Variants in KRT37 observed in about 807,000 individuals in gnomAD.
The protein encoded by KRT37 is keratin 37.
KRT37 carries 38 observed loss-of-function variants against 41.9 expected under a neutral mutation model. The observed-to-expected ratio is 0.91, with a 90% confidence interval of 0.70 to 1.19. The LOEUF is 1.19. KRT37 is among the 50% of genes most tolerant of loss of function. The pLI is 0.00. For synonymous variants in KRT37, 252 were observed against 243.4 expected (o/e 1.04, Z -0.33); for missense variants, 580 against 575.5 (o/e 1.01, Z -0.08).
At chr17:41,422,547 C>A in intron 3 of KRT37, 113 bp from the exon 4 acceptor site, 3 of 1,432,982 alleles carry the variant, frequency 2.1e-6, no homozygotes, top group Non-Finnish European at 2.9e-6. Context: ...CACACATAAG[C>A]AAATGGGAAA....
chr17:41,421,696 A>G (rs749546595), intron 5 of KRT37, 109 bp from the exon 6 acceptor site: 9 of 1,019,588 alleles, frequency 8.8e-6, no homozygotes, highest in African/African-American at 1.6e-5. Flanking sequence ...GTCATAGGAC[A>G]TTCTCAGAGC....
rs1175765157 is a variant in KRT37 at position 41,420,972 on chromosome 17, G to A, written c.1256C>T (p.Pro419Leu). The change falls in exon 7 of 7, where the codon CCC (proline) becomes CTC (leucine). Residue 419 changes from proline (P) to leucine (L), a missense_variant. Pro to Leu is a moderately conservative substitution (Grantham distance 98). Transcript: ENST00000225550. ...ESEDCKLPCNPCSTPASCTSC... is the reference protein window; with the variant it reads ...ESEDCKLPCNLCSTPASCTSC... ...AGTACAGGAGGCAGGCGTGGAACAG[G>A]GATTGCAGGGGAGTCTGCAGGGAGA... is the stretch of plus-strand genomic sequence containing the variant. 1.9e-6 allele frequency: 3 copies of A among 1,612,954 alleles called. No homozygotes were observed. The South Asian group carries it at 3.3e-5, about 18-fold the overall frequency.
chr17:41,420,723 G>T lies in KRT37; in HGVS notation c.*155C>A. The T allele has an allele frequency of 1.9e-6, 1 of 534,632 alleles. No homozygotes were observed. Among genetic ancestry groups the T allele is most frequent in the Non-Finnish European group, 3.3e-6 (1 of 298,916 alleles). The allele number at this position is 534,632 out of a possible 1,614,324, so 33.1% of individuals were successfully genotyped here. A position where few individuals can be genotyped will look rare whatever the true frequency, so the allele number is the denominator to read the frequency against. ...CAACAACAAAAAATACAGCTTAGAG[G>T]CATAGGCAGGGAGCCACTCCTTGGA... is the stretch of plus-strand genomic sequence containing the variant. On this transcript the variant is annotated 3_prime_UTR_variant, in exon 7 of 7. Transcript: ENST00000225550.
chr17:41,423,979 C>T (rs146411313), intron 1 of KRT37, 53 bp downstream of exon 1: 31 of 1,601,626 alleles, frequency 1.9e-5, no homozygotes, highest in South Asian at 1.2e-4. Flanking sequence ...ATTCCTCCTG[C>T]GAAGGCTTCT....
intron 1 of KRT37, 91 bp from the exon 2 acceptor site, chr17:41,423,935 A>G (rs1222624177): frequency 6.2e-7 from 1 of 1,604,698 alleles, no homozygotes; most frequent in Non-Finnish European, 8.5e-7. Flanking sequence ...TCCAAGAGAA[A>G]CCAAGAACCC....
In KRT37 at chr17:41,421,488, A is replaced by C; in HGVS notation, c.1120T>G (p.Ser374Ala). ...CGCTCCAGGTCGGCCCGGATCTCAG[A>C]CAACTGCTCTTCCAAGTTGCTAATG... The part of the protein sequence containing the change: ...SLISNLEEQL[S>A]EIRADLERQN... Residue 374 changes from serine to alanine, a missense_variant, in exon 6 of 7, where the codon TCT becomes GCT. Coordinates refer to ENST00000225550, the MANE Select transcript of KRT37 (RefSeq NM_003770.5). The C allele has an allele frequency of 1.9e-6, 3 of 1,614,160 alleles. No individual in the cohort carries two copies. Among genetic ancestry groups the C allele is most frequent in the Non-Finnish European group, 2.5e-6 (3 of 1,180,018 alleles).
chr17:41,424,376 C>A lies in KRT37; in HGVS notation c.148G>T (p.Ala50Ser). The change falls in exon 1 of 7, where the codon GCA (alanine) becomes TCA (serine). Residue 50 changes from alanine to serine, a missense_variant. Coordinates refer to ENST00000225550, the MANE Select transcript of KRT37 (RefSeq NM_003770.5). ...CCCACACGGACTCTGTTGGCGTGTGCCACGTTGGCCAAGAGGCACATGGAG... is the reference window on the plus strand; with the variant it reads ...CCCACACGGACTCTGTTGGCGTGTGACACGTTGGCCAAGAGGCACATGGAG... ...AASMCLLANV[A>S]HANRVRVGST... 6.2e-7 allele frequency: 1 copy of A among 1,613,810 alleles called. No homozygotes were observed. Among genetic ancestry groups the A allele is most frequent in the African/African-American group, 1.3e-5 (1 of 75,048 alleles).
intron 6 of KRT37, 99 bp from the exon 7 acceptor site, chr17:41,421,085 C>A: frequency 1.1e-6 from 1 of 900,300 alleles, no homozygotes; most frequent in Non-Finnish European, 1.8e-6. Context: ...ACCAACAAGG[C>A]ACACAGACCA....
At chr17:41,421,314 G>A in intron 6 of KRT37, 53 bp downstream of exon 6, 3 of 1,574,812 alleles carry the variant, frequency 1.9e-6, no homozygotes, top group Non-Finnish European at 2.6e-6. Flanking sequence ...TACCTCTGAG[G>A]AATTGCCTGA....
chr17:41,421,643 A>C, intron 5 of KRT37, 56 bp from the exon 6 acceptor site: 1 of 1,548,088 alleles, frequency 6.5e-7, no homozygotes, highest in Non-Finnish European at 8.9e-7. Context: ...TCAGCAGTGA[A>C]AATCATGACC....
intron 4 of KRT37, 25 bp downstream of exon 4, chr17:41,422,247 TC>T (rs755447231): frequency 6.2e-7 from 1 of 1,613,702 alleles, no homozygotes; most frequent in South Asian, 1.1e-5. Context: ...GGCCAGGTAC[TC>T]CCTGGCTCTG....
At chr17:41,422,244 T>C in intron 4 of KRT37, 29 bp downstream of exon 4, 1 of 1,613,834 alleles carries the variant, frequency 6.2e-7, no homozygotes, top group Non-Finnish European at 8.5e-7. Flanking sequence ...GGAGGCCAGG[T>C]ACTCCCTGGC....
chr17:41,421,404 C>A lies in KRT37; in HGVS notation c.1204G>T (p.Ala402Ser), dbSNP rs1405885842. Reference sequence around the variant, plus strand: ...CTCTCCAGAAGGTTCCGGTATGTGGCAATCTCGTTCTCCAACCGGGCCTTC... The same window carrying A: ...CTCTCCAGAAGGTTCCGGTATGTGGAAATCTCGTTCTCCAACCGGGCCTTC... ...DVKARLENEI[A>S]TYRNLLESED... Residue 402 changes from alanine to serine, a missense_variant, in exon 6 of 7, where the codon GCC (alanine) becomes TCC (serine). Transcript: ENST00000225550. 7 of 1,614,206 alleles carry A rather than the reference C, an allele frequency of 4.3e-6. No individual in the cohort carries two copies. Among genetic ancestry groups the A allele is most frequent in the East Asian group, 4.5e-5 (2 of 44,884 alleles).
In KRT37 at chr17:41,423,823, T is replaced by C. The variant is rs768972894; in HGVS notation, c.514A>G (p.Asn172Asp). The change falls in exon 2 of 7, where the codon AAT becomes GAT. Residue 172 changes from asparagine to aspartate, a missense_variant. By Grantham distance (23) the Asn-to-Asp change is conservative. Coordinates refer to ENST00000225550, the MANE Select transcript of KRT37 (RefSeq NM_003770.5). ...TCAATTTGTACAATCAGCCTGGCATTCTCAGCCTTGCTGCACAGGATCTGA... is the reference window on the plus strand; with the variant it reads ...TCAATTTGTACAATCAGCCTGGCATCCTCAGCCTTGCTGCACAGGATCTGA... Reference protein sequence around the residue: ...QQKILCSKAENARLIVQIDNA... With the variant: ...QQKILCSKAEDARLIVQIDNA... 1.1e-5 allele frequency: 17 copies of C among 1,614,130 alleles called. No individual in the cohort carries two copies. Among genetic ancestry groups the C allele is most frequent in the Admixed American group, 1.7e-5 (1 of 60,012 alleles).
Position 41,422,821 on chromosome 17 carries a change from G to T in KRT37, c.689C>A (p.Ser230Tyr), listed in dbSNP as rs1318079805. 1 of 1,613,842 alleles carries T rather than the reference G, an allele frequency of 6.2e-7. No homozygotes were observed. The highest frequency in any genetic ancestry group is 1.1e-5 in the South Asian group (1 of 91,058). ...AKADLEAQQE[S>Y]LKEEQLSLKS... ...GAGGGAGAGCTGCTCCTCCTTCAGG[G>T]ACTCCTGCTGGGCCTCCAGGTCGGC... Residue 230 changes from serine to tyrosine, a missense_variant, in exon 3 of 7, where the codon TCC becomes TAC. Ser to Tyr is a moderately radical substitution (Grantham distance 144). Coordinates refer to ENST00000225550, the MANE Select transcript of KRT37 (RefSeq NM_003770.5).
intron 1 of KRT37, 93 bp downstream of exon 1, chr17:41,423,939 A>G (rs1331193346): frequency 6.2e-7 from 1 of 1,604,510 alleles, no homozygotes; most frequent in East Asian, 2.2e-5. Flanking sequence ...AGAGAAACCA[A>G]GAACCCAAAG....
At position 41,424,495 on chromosome 17, in the gene KRT37, C is replaced by T. The variant is rs2018589175; in HGVS notation, c.29G>A (p.Cys10Tyr). Residue 10 changes from cysteine to tyrosine, a missense_variant, in exon 1 of 7, where the codon TGC becomes TAC. Cys to Tyr is a radical substitution (Grantham distance 194, BLOSUM62 -2). Coordinates refer to ENST00000225550, the MANE Select transcript of KRT37 (RefSeq NM_003770.5). MTSFYSTSS[C>Y]PLGCTMAPGA... ...AGGAGCCATGGTGCAACCCAGAGGG[C>T]ATGAGGAGGTGCTGTAGAAGGAGGT... 1 of 1,590,766 alleles carries T rather than the reference C, an allele frequency of 6.3e-7. No homozygotes were observed. Among genetic ancestry groups the T allele is most frequent in the Non-Finnish European group, 8.6e-7 (1 of 1,165,020 alleles).
chr17:41,423,738 C>G (rs1280289067), intron 2 of KRT37, 24 bp downstream of exon 2: 2 of 1,608,180 alleles, frequency 1.2e-6, no homozygotes, highest in Admixed American at 3.3e-5. Context: ...AGAAGTCACA[C>G]TGACCCTCCT....
chr17:41,422,869 A>G lies in KRT37; in HGVS notation c.641T>C (p.Leu214Pro), dbSNP rs555209408. ...GGCCTTGGCCAGGGTCGCGTCATCC[A>G]GGAGCTTCTGCGTCCCGCACTTGTC... The part of the protein sequence containing the change: ...EADKCGTQKL[L>P]DDATLAKADL... Residue 214 changes from leucine (L) to proline (P), a missense_variant, in exon 3 of 7, where the codon CTG becomes CCG. By Grantham distance (98) the Leu-to-Pro change is moderately conservative. Transcript: ENST00000225550. 88 of 1,614,078 alleles carry G rather than the reference A, an allele frequency of 5.5e-5. No homozygotes were observed. The highest frequency in any genetic ancestry group is 6.9e-5 in the Non-Finnish European group (82 of 1,180,034).
Sources: gnomAD v4.1 joint callset for allele counts on GRCh38, gnomAD v4.1.1 for gene constraint, MANE v1.5 for transcripts, NCBI Gene and HGNC (gene_info 2026-07-23, HGNC 2026-07-21) for gene names.